The following ALK variants were observed in gnomAD, a reference collection of about 807,000 sequenced individuals.
ALK encodes the protein ALK tyrosine kinase receptor.
A neutral mutation model predicts 163.1 loss-of-function variants in ALK; 74 were observed. The ratio of observed to expected loss-of-function variants is 0.45; its 90% confidence interval spans 0.38 to 0.55. The LOEUF (loss-of-function observed/expected upper bound fraction) is 0.55. Among genes scored for constraint, ALK ranks in the 20% least tolerant of loss-of-function variants. The pLI, the probability that ALK is intolerant of heterozygous loss-of-function variation, is 0.00. For synonymous variants in ALK, 960 were observed against 843.2 expected (o/e 1.14, Z -2.40); for missense variants, 2,063 against 2,105.3 (o/e 0.98, Z 0.39).
At chr2:29,651,663 C>G (rs11884526) in intron 3 of ALK, among the ~76,000 whole-genome samples, 14,818 of 152,208 alleles carry the variant, frequency 0.097, 1,478 homozygotes, top group African/African-American at 0.26. Context: ...GAGGCGTCAG[C>G]CACAGGGTAT....
intron 4 of ALK, among the ~76,000 whole-genome samples, chr2:29,527,244 T>C (rs1285641554): frequency 1.3e-5 from 2 of 152,238 alleles, no homozygotes; most frequent in African/African-American, 4.8e-5. Context: ...TAAATTACCT[T>C]GGCACATTTC....
At chr2:29,606,735 C>A (rs1675551522) in intron 3 of ALK, among the ~76,000 whole-genome samples, 1 of 152,186 alleles carries the variant, frequency 6.6e-6, no homozygotes. Context: ...GAATGGCAGG[C>A]TTCAGTAGTT....
At chr2:29,638,018 C>T (rs1346933663) in intron 3 of ALK, among the ~76,000 whole-genome samples, 26 of 151,732 alleles carry the variant, frequency 1.7e-4, no homozygotes, top group Admixed American at 1.6e-3. Flanking sequence ...ATGAAATAAG[C>T]AGAGCTCTAG....
chr2:29,688,687 C>G (rs538439684), intron 3 of ALK, among the ~76,000 whole-genome samples: 1 of 152,208 alleles, frequency 6.6e-6, no homozygotes, highest in East Asian at 1.9e-4. Context: ...TTGTTCTGCC[C>G]ATGAGTGTGT....
rs114991822 is a variant in ALK, at chr2:29,227,517, G to T, written c.2914+57C>A. On this transcript the variant is annotated intron_variant, in intron 17 of 28. Coordinates refer to ENST00000389048, the MANE Select transcript of ALK (RefSeq NM_004304.5). This position sits in a 1 kb window ranked among gnomAD's most constrained non-coding sequence, Gnocchi z 4.4. Reference sequence around the variant, plus strand: ...ACAGGTCAGAGACTCTGAGGTTTTAGCTTGGTGGGAGGACTGACCTAAGCA... The same window carrying T: ...ACAGGTCAGAGACTCTGAGGTTTTATCTTGGTGGGAGGACTGACCTAAGCA... The T allele has an allele frequency of 7.7e-6, 11 of 1,420,772 alleles. No homozygotes were observed. In the Admixed American group the frequency reaches 1.2e-4, roughly 15 times the overall value. 88.0% of individuals were successfully genotyped at this position (1,420,772 alleles called of 1,614,324 possible). A position where few individuals can be genotyped will look rare whatever the true frequency, so the allele number is the denominator to read the frequency against.
At chr2:29,298,626 C>T (rs1331688682) in intron 8 of ALK, among the ~76,000 whole-genome samples, 1 of 152,170 alleles carries the variant, frequency 6.6e-6, no homozygotes, top group East Asian at 1.9e-4. Flanking sequence ...TTCAAACTCT[C>T]CCTCGCATAC....
Position 29,227,429 on chromosome 2 carries a change from G to T in ALK, c.2914+145C>A. On this transcript the variant is annotated intron_variant, in intron 17 of 28. Coordinates refer to ENST00000389048, the MANE Select transcript of ALK (RefSeq NM_004304.5). The surrounding 1 kb of genome is among the most constrained non-coding windows in gnomAD (Gnocchi z 4.4). ...CACATCCTGACTTCTGGAAAATGTG[G>T]TGACCTGCGCCATAGGAAGCTTGCC... 1 of 788,292 alleles carries T rather than the reference G, an allele frequency of 1.3e-6. No individual in the cohort carries two copies. Among genetic ancestry groups the T allele is most frequent in the Non-Finnish European group, 2.2e-6 (1 of 449,940 alleles). The allele number at this position is 788,292 out of a possible 1,614,324, so 48.8% of individuals were successfully genotyped here. A position where few individuals can be genotyped will look rare whatever the true frequency, so the allele number is the denominator to read the frequency against.
At chr2:29,208,809 A>G (rs1263784059) in intron 25 of ALK, among the ~76,000 whole-genome samples, 1 of 152,178 alleles carries the variant, frequency 6.6e-6, no homozygotes, top group Non-Finnish European at 1.5e-5. Context: ...CTGAGCTCAC[A>G]TAGCAAGTCA....
In ALK at chr2:29,193,459, G is replaced by A. The variant is rs2148137708; in HGVS notation, c.4628C>T (p.Pro1543Leu). The change falls in exon 29 of 29, where the codon CCT becomes CTT. Residue 1543 changes from proline (P) to leucine (L), a missense_variant. Transcript: ENST00000389048. ...CGGAAGTCTCCCAGTTGCAACGTTA[G>A]GTGGGACAGTACAGCTTCCCTCCAG... ...LGLEGSCTVP[P>L]NVATGRLPGA... 9 of 1,614,160 alleles carry A rather than the reference G, an allele frequency of 5.6e-6. No homozygotes were observed. The highest frequency in any genetic ancestry group is 7.6e-6 in the Non-Finnish European group (9 of 1,180,030).
chr2:29,197,996 A>G (rs149191982), intron 26 of ALK, among the ~76,000 whole-genome samples: 190 of 152,270 alleles, frequency 1.2e-3, no homozygotes, highest in African/African-American at 4.2e-3. Flanking sequence ...AACATTTTCC[A>G]TGCCAGTCCA....
intron 1 of ALK, among the ~76,000 whole-genome samples, chr2:29,889,725 GA>G (rs1667093368): frequency 6.9e-6 from 1 of 144,134 alleles, no homozygotes; most frequent in Non-Finnish European, 1.5e-5. Context: ...GAGAGAGAGA[GA>G]GAGAGAGAGA....
At chr2:29,288,222 C>T (rs189968054) in intron 9 of ALK, among the ~76,000 whole-genome samples, 5 of 152,272 alleles carry the variant, frequency 3.3e-5, no homozygotes, top group East Asian at 1.9e-4. Flanking sequence ...GCCCAGGGCT[C>T]GGGATGCAGA....
chr2:29,506,224 A>G (rs1398339603), intron 4 of ALK, among the ~76,000 whole-genome samples: 2 of 152,154 alleles, frequency 1.3e-5, no homozygotes, highest in Non-Finnish European at 2.9e-5. Flanking sequence ...TGGGCATTTA[A>G]TCCCTTTTTC....
chr2:29,662,932 C>T (rs954171173), intron 3 of ALK, among the ~76,000 whole-genome samples: 2 of 152,090 alleles, frequency 1.3e-5, no homozygotes, highest in Admixed American at 1.3e-4. Context: ...GTATTGCTCT[C>T]CAGGCCTAGA....
intron 4 of ALK, among the ~76,000 whole-genome samples, chr2:29,408,839 A>C (rs1223545956): frequency 1.3e-5 from 2 of 152,216 alleles, no homozygotes; most frequent in African/African-American, 2.4e-5. Flanking sequence ...TGACAGCCTC[A>C]AGGTCACCAG....
At chr2:29,497,810 G>C (rs1672069567) in intron 4 of ALK, among the ~76,000 whole-genome samples, 1 of 152,018 alleles carries the variant, frequency 6.6e-6, no homozygotes, top group Non-Finnish European at 1.5e-5. Context: ...CTAGTCCCTG[G>C]TCACCTTCTT....
intron 8 of ALK, among the ~76,000 whole-genome samples, chr2:29,314,018 C>T (rs1251640553): frequency 3.9e-5 from 6 of 152,114 alleles, no homozygotes; most frequent in Non-Finnish European, 8.8e-5. Flanking sequence ...CGGGGGCAAG[C>T]TTCAATAAGC....
intron 11 of ALK, among the ~76,000 whole-genome samples, chr2:29,257,861 C>T (rs1395884415): frequency 6.6e-6 from 1 of 152,186 alleles, no homozygotes; most frequent in Admixed American, 6.5e-5. Context: ...CTTTTTGAGA[C>T]ATAGTCTTGC....
At chr2:29,891,279 G>C (rs914110051) in intron 1 of ALK, among the ~76,000 whole-genome samples, 2 of 152,128 alleles carry the variant, frequency 1.3e-5, no homozygotes, top group African/African-American at 4.8e-5. Flanking sequence ...CAATGATTAG[G>C]CATGCACAGT....
Sources: gnomAD v4.1 joint callset for allele counts (sites outside exome capture counted in the v4.1 genomes callset) on GRCh38, gnomAD v4.1.1 for gene constraint, Gnocchi (gnomAD v3.1) non-coding constraint, MANE v1.5 for transcripts, NCBI Gene and HGNC (gene_info 2026-07-23, HGNC 2026-07-21) for gene names.